Variants in ODF2L observed in about 807,000 individuals in gnomAD.
ODF2L encodes the protein protein BCAP.
Under a neutral mutation model 86.3 loss-of-function variants are expected in ODF2L, and 76 were observed. The observed-to-expected ratio is 0.88, with a 90% confidence interval of 0.73 to 1.07. The LOEUF is 1.07. Ranked by LOEUF, ODF2L falls within the 50% of genes least tolerant of loss-of-function variation. The probability of loss-of-function intolerance (pLI) is 0.00; values close to 1 mark genes in which losing one functional copy is unlikely to be tolerated. For synonymous variants in ODF2L, 241 were observed against 231.3 expected, an observed-to-expected ratio of 1.04 and a Z score of -0.38; for missense variants, 748 against 717.4, an observed-to-expected ratio of 1.04 and a Z score of -0.49.
intron 10 of ODF2L, among the ~76,000 whole-genome samples, chr1:86,370,688 C>CT: frequency 6.6e-6 from 1 of 152,256 alleles, no homozygotes; most frequent in East Asian, 1.9e-4. Context: ...CAAGAACATA[C>CT]TTTCTGGTTT....
At chr1:86,363,345 T>A (rs1659176155) in intron 11 of ODF2L, among the ~76,000 whole-genome samples, 1 of 152,130 alleles carries the variant, frequency 6.6e-6, no homozygotes, top group African/African-American at 2.4e-5. Flanking sequence ...TAGGTCTAGA[T>A]TAGAGGTATA....
chr1:86,360,737 CA>C, intron 11 of ODF2L: 1 of 350,784 alleles, frequency 2.9e-6, no homozygotes, highest in South Asian at 8.9e-5. Flanking sequence ...AAGATTTACA[CA>C]GGACATATTA....
chr1:86,380,749 T>A (rs940628949), intron 7 of ODF2L, among the ~76,000 whole-genome samples: 1 of 152,150 alleles, frequency 6.6e-6, no homozygotes, highest in Non-Finnish European at 1.5e-5. Context: ...CAGACAATCA[T>A]TCTCAGTCTC....
chr1:86,385,667 C>T, intron 2 of ODF2L, 77 bp from the exon 3 acceptor site: 1 of 1,063,726 alleles, frequency 9.4e-7, no homozygotes, highest in Non-Finnish European at 1.4e-6. Flanking sequence ...GCCATATCAC[C>T]TATACAGTAC....
At position 86,385,473 on chromosome 1, in the gene ODF2L, C is replaced by CT. The variant is rs1317609186; in HGVS notation, c.230dup (p.Ile78AspfsTer2). On this transcript the variant is annotated frameshift_variant, in exon 3 of 18. Transcript: ENST00000317336. LOFTEE classifies it high-confidence loss of function. ...AGTCACTCACATTTTCAAAATTAAT[C>CT]TTTTCAATGGTGTCCTTAAATAGTG... 8 of 1,581,532 alleles carry CT rather than the reference C, an allele frequency of 5.1e-6. No individual in the cohort carries two copies. Among genetic ancestry groups the CT allele is most frequent in the Non-Finnish European group, 6.9e-6 (8 of 1,153,690 alleles).
At chr1:86,392,477 AG>A (rs1273368578) in intron 1 of ODF2L, among the ~76,000 whole-genome samples, 2 of 152,368 alleles carry the variant, frequency 1.3e-5, no homozygotes, top group East Asian at 3.8e-4. Flanking sequence ...AATACTACTC[AG>A]CCATAAAAAG....
intron 7 of ODF2L, among the ~76,000 whole-genome samples, chr1:86,378,986 G>C (rs562760681): frequency 2.6e-5 from 4 of 152,106 alleles, no homozygotes; most frequent in African/African-American, 4.8e-5. Context: ...TCCTCTTGGT[G>C]CTGTTCTCCT....
downstream of ODF2L, chr1:86,346,970 C>T (rs1657838521): frequency 1.3e-5 from 2 of 152,166 alleles, no homozygotes; most frequent in South Asian, 2.1e-4. Flanking sequence ...GTTACCTAAC[C>T]TTTCCATGTC....
At chr1:86,351,579 C>A (rs1286994892) in exon 18 of ODF2L, 1 of 152,138 alleles carries the variant, frequency 6.6e-6, no homozygotes, top group Non-Finnish European at 1.5e-5. Flanking sequence ...TATGTGAGCT[C>A]TTTTTTGGTT....
At chr1:86,384,684 A>C in exon 4 of ODF2L, 1 of 1,476,652 alleles carries the variant, frequency 6.8e-7, no homozygotes, top group South Asian at 1.5e-5. Flanking sequence ...ACTTGTTTGT[A>C]GTCTCTCTTT....
intron 3 of ODF2L, 84 bp downstream of exon 3, chr1:86,385,374 C>T: frequency 2.6e-6 from 2 of 775,752 alleles, no homozygotes; most frequent in Non-Finnish European, 4.1e-6. Context: ...GTGAGCATAC[C>T]TATATAAGAT....
At chr1:86,388,307 G>A (rs897719444) in intron 1 of ODF2L, among the ~76,000 whole-genome samples, 1 of 151,990 alleles carries the variant, frequency 6.6e-6, no homozygotes, top group Admixed American at 6.5e-5. Flanking sequence ...AATATGCTCG[G>A]GATAAGTCAC....
In ODF2L at chr1:86,376,392, C is replaced by T; in HGVS notation, c.651G>A (p.Trp217Ter). The T allele has an allele frequency of 6.3e-7, 1 of 1,597,450 alleles. No homozygotes were observed. Among genetic ancestry groups the T allele is most frequent in the African/African-American group, 1.4e-5 (1 of 73,898 alleles). Residue 217 changes from tryptophan (W) to a stop codon, truncating the protein, a stop_gained, in exon 8 of 18, where the codon TGG (tryptophan) becomes TGA (stop). Transcript: ENST00000317336. LOFTEE classifies it high-confidence loss of function. ...TCTTATTCATTCTTGATTGCAGGTT[C>T]CACTTGGCTATCTTGGTTTCTAAGC... is the stretch of plus-strand genomic sequence containing the variant.
chr1:86,352,777 G>T, intron 17 of ODF2L, 82 bp downstream of exon 16: 1 of 814,436 alleles, frequency 1.2e-6, no homozygotes, highest in Non-Finnish European at 1.9e-6. Flanking sequence ...CAATAGACTT[G>T]ATTCACTCAC....
chr1:86,383,327 T>G (rs942503977), intron 4 of ODF2L, 131 bp from the exon 5 acceptor site: 4 of 495,948 alleles, frequency 8.1e-6, no homozygotes, highest in African/African-American at 6.1e-5. Flanking sequence ...AGTTAACAAC[T>G]GAAAAGATTT....
At chr1:86,384,888 CCTA>C (rs1660835590) in intron 3 of ODF2L, 87 bp from the exon 4 acceptor site, 1 of 1,050,724 alleles carries the variant, frequency 9.5e-7, no homozygotes, top group Admixed American at 3.3e-5. Context: ...AATATTTTTT[CCTA>C]CTAAACAAAA....
At chr1:86,367,447 A>C (rs1659516551) in intron 11 of ODF2L, among the ~76,000 whole-genome samples, 2 of 152,084 alleles carry the variant, frequency 1.3e-5, no homozygotes, top group Non-Finnish European at 2.9e-5. Context: ...AGGCCTAGAG[A>C]CCAACCCATT....
intron 17 of ODF2L, 34 bp downstream of exon 16, chr1:86,352,825 C>T: frequency 3.0e-6 from 4 of 1,315,302 alleles, no homozygotes; most frequent in Non-Finnish European, 4.2e-6. Flanking sequence ...TAAATGTTAT[C>T]TTTTATAATA....
chr1:86,392,462 G>A (rs1212297395), intron 1 of ODF2L, among the ~76,000 whole-genome samples: 1 of 151,994 alleles, frequency 6.6e-6, no homozygotes, highest in Non-Finnish European at 1.5e-5. Context: ...ATATATACAT[G>A]ATAAAATACT....
Sources: allele counts gnomAD v4.1 joint callset (sites outside exome capture counted in the v4.1 genomes callset), GRCh38; gene constraint gnomAD v4.1.1; transcripts MANE v1.5; gene names NCBI Gene and HGNC (gene_info 2026-07-23, HGNC 2026-07-21).